Variants in ARHGAP24 observed in about 807,000 individuals in gnomAD.
ARHGAP24 encodes rho GTPase-activating protein 24.
ARHGAP24 carries 50 observed loss-of-function variants against 76.4 expected under a neutral mutation model. The ratio of observed to expected loss-of-function variants is 0.65; its 90% CI spans 0.52 to 0.83. ARHGAP24 has a LOEUF of 0.83. Among genes scored for constraint, ARHGAP24 ranks in the 40% least tolerant of loss-of-function variants. ARHGAP24 has a pLI of 0.00. For synonymous variants in ARHGAP24, 345 were observed against 323.3 expected (o/e 1.07, Z -0.72); for missense variants, 930 against 914.2 (o/e 1.02, Z -0.22).
intron 1 of ARHGAP24, among the ~76,000 whole-genome samples, chr4:85,541,362 C>A (rs1725693989): frequency 1.6e-5 from 2 of 122,034 alleles, no homozygotes; most frequent in Admixed American, 7.4e-5. Flanking sequence ...ACCATTTTAG[C>A]CGGGATGGTC....
intron 1 of ARHGAP24, among the ~76,000 whole-genome samples, chr4:85,524,279 T>G (rs998677718): frequency 2.0e-5 from 3 of 152,128 alleles, no homozygotes; most frequent in Non-Finnish European, 4.4e-5. Context: ...TTAAGTGTCC[T>G]TAAGCATCCA....
intron 3 of ARHGAP24, among the ~76,000 whole-genome samples, chr4:85,855,459 T>A (rs2110168837): frequency 6.6e-6 from 1 of 152,164 alleles, no homozygotes; most frequent in East Asian, 1.9e-4. Context: ...GTAATCCCAG[T>A]ACTTAGGGAG....
intron 4 of ARHGAP24, among the ~76,000 whole-genome samples, chr4:85,938,934 G>T (rs968112400): frequency 8.5e-5 from 13 of 152,094 alleles, no homozygotes; most frequent in Admixed American, 6.5e-4. Context: ...CTAATAAATG[G>T]CAGGTGTCTT....
At chr4:85,890,993 GATGAT>G (rs1733857124) in intron 3 of ARHGAP24, among the ~76,000 whole-genome samples, 1 of 152,138 alleles carries the variant, frequency 6.6e-6, no homozygotes, top group Non-Finnish European at 1.5e-5. Flanking sequence ...GATTGCGATG[GATGAT>G]ATTAGAGACG....
At chr4:85,596,470 G>A (rs1357108200) in intron 2 of ARHGAP24, among the ~76,000 whole-genome samples, 4 of 152,088 alleles carry the variant, frequency 2.6e-5, no homozygotes, top group Non-Finnish European at 5.9e-5. Context: ...GTTTGTGTAA[G>A]TGCTGGATGA....
chr4:85,928,398 G>A (rs139136071), intron 4 of ARHGAP24, among the ~76,000 whole-genome samples: 63 of 152,112 alleles, frequency 4.1e-4, no homozygotes, highest in Non-Finnish European at 6.8e-4. Flanking sequence ...ATTTATGGAA[G>A]TGTCTAGTCC....
At chr4:85,575,917 G>A (rs1727351098) in intron 2 of ARHGAP24, among the ~76,000 whole-genome samples, 1 of 152,178 alleles carries the variant, frequency 6.6e-6, no homozygotes, top group South Asian at 2.1e-4. Flanking sequence ...CTGATAAAAT[G>A]ACTAAAATCT....
At chr4:85,769,878 C>T (rs527400998) in intron 3 of ARHGAP24, among the ~76,000 whole-genome samples, 6 of 152,094 alleles carry the variant, frequency 3.9e-5, no homozygotes, top group South Asian at 2.1e-4. Flanking sequence ...TGAGCCACCG[C>T]GCCTGGCCAG....
intron 2 of ARHGAP24, among the ~76,000 whole-genome samples, chr4:85,633,343 T>C (rs1721218964): frequency 6.6e-6 from 1 of 151,962 alleles, no homozygotes. Flanking sequence ...TTTAGAAAGT[T>C]ACCCAGTACA....
intron 2 of ARHGAP24, among the ~76,000 whole-genome samples, chr4:85,572,923 C>G (rs13108032): frequency 0.11 from 14,812 of 139,298 alleles, 925 homozygotes; most frequent in Middle Eastern, 0.14. Flanking sequence ...GTAGCCCAGG[C>G]TGGAGTGCGG....
intron 3 of ARHGAP24, among the ~76,000 whole-genome samples, chr4:85,785,470 T>TTTG (rs529942681): frequency 9.9e-5 from 15 of 152,282 alleles, no homozygotes; most frequent in African/African-American, 2.4e-4. Flanking sequence ...TTGTTCTGTT[T>TTTG]TTGTTGTTGT....
intron 1 of ARHGAP24, among the ~76,000 whole-genome samples, chr4:85,543,075 G>A (rs774594867): frequency 2.0e-5 from 3 of 152,134 alleles, no homozygotes; most frequent in South Asian, 2.1e-4. Context: ...AGGCAAGGAC[G>A]AGCACTGCAT....
chr4:85,629,241 C>T (rs1396776793), intron 2 of ARHGAP24, among the ~76,000 whole-genome samples: 2 of 152,144 alleles, frequency 1.3e-5, no homozygotes, highest in Non-Finnish European at 2.9e-5. Flanking sequence ...AATCTTTATA[C>T]TTTAATTTCT....
chr4:85,990,277 CAAA>C (rs1320506358), intron 8 of ARHGAP24: 2 of 151,530 alleles, frequency 1.3e-5, no homozygotes, highest in Non-Finnish European at 3.0e-5. Flanking sequence ...CACTAACAAA[CAAA>C]TAAGAACTAC....
At chr4:85,997,340 A>ATAGG (rs1170820717) in intron 9 of ARHGAP24, among the ~76,000 whole-genome samples, 1 of 150,434 alleles carries the variant, frequency 6.6e-6, no homozygotes, top group Non-Finnish European at 1.5e-5. Context: ...AGATAGATAG[A>ATAGG]TAGAGAGATA....
rs571262363 is a variant in ARHGAP24 at position 85,664,767 on chromosome 4, T to A, written c.181-57118T>A. On this transcript the variant is annotated intron_variant, in intron 2 of 9. Transcript: ENST00000395184. ...CTTTATTTCTGCCTTCATTTCGTTA[T>A]GTACCCAGTAGTCATTCAGGAGCAG... Among the ~76,000 whole-genome samples, 8 of 152,228 alleles carry A rather than the reference T, an allele frequency of 5.3e-5. No homozygotes were observed. The East Asian group carries it at 1.5e-3, about 29-fold the overall frequency.
At chr4:85,541,648 G>A (rs73832798) in intron 1 of ARHGAP24, among the ~76,000 whole-genome samples, 18,606 of 151,928 alleles carry the variant, frequency 0.12, 3,209 homozygotes, top group African/African-American at 0.39. Context: ...TGATATCATA[G>A]TTTATTCATT....
chr4:85,914,784 T>A (rs940528106), intron 3 of ARHGAP24, among the ~76,000 whole-genome samples: 1 of 152,194 alleles, frequency 6.6e-6, no homozygotes, highest in Non-Finnish European at 1.5e-5. Flanking sequence ...CTCCCTGTCT[T>A]GCTCCTAAAG....
At chr4:85,797,161 G>T (rs13130936) in intron 3 of ARHGAP24, among the ~76,000 whole-genome samples, 75 of 148,550 alleles carry the variant, frequency 5.0e-4, no homozygotes, top group Middle Eastern at 3.5e-3. Context: ...AATTTTTTTT[G>T]TTTTTTTTTT....
Sources: allele counts gnomAD v4.1 joint callset (sites outside exome capture counted in the v4.1 genomes callset), GRCh38; gene constraint gnomAD v4.1.1; transcripts MANE v1.5; gene names NCBI Gene and HGNC (gene_info 2026-07-23, HGNC 2026-07-21).